The following NOTCH1 variants were observed in gnomAD, a reference collection of about 807,000 sequenced individuals.
NOTCH1 encodes neurogenic locus notch homolog protein 1.
A neutral mutation model predicts 254.8 loss-of-function variants in NOTCH1; 37 were observed. The ratio of observed to expected loss-of-function variants is 0.15; its 90% confidence interval spans 0.11 to 0.19. The LOEUF (loss-of-function observed/expected upper bound fraction) is 0.19. Ranked by LOEUF, NOTCH1 falls within the 10% of genes least tolerant of loss-of-function variation. NOTCH1 has a pLI of 1.00. For missense variants in NOTCH1, 2,972 were observed against 3,708.6 expected (o/e 0.80, Z 5.16); for synonymous variants, 1,731 against 1,618.1 (o/e 1.07, Z -1.68).
intron 5 of NOTCH1, 146 bp from the exon 6 acceptor site, chr9:136,518,970 C>T: frequency 1.4e-6 from 1 of 707,906 alleles, no homozygotes; most frequent in Admixed American, 2.0e-5. Context: ...ATCACTCCTT[C>T]CTCTGCAGGC....
At chr9:136,542,347 C>T (rs1038137082) in intron 2 of NOTCH1, among the ~76,000 whole-genome samples, 2 of 152,064 alleles carry the variant, frequency 1.3e-5, no homozygotes, top group African/African-American at 4.8e-5. Flanking sequence ...GAGCCGGGAG[C>T]GCAGTGGCGG....
chr9:136,523,487 G>T (rs1843408226), intron 3 of NOTCH1, among the ~76,000 whole-genome samples: 1 of 152,208 alleles, frequency 6.6e-6, no homozygotes, highest in East Asian at 1.9e-4. Context: ...TGGACACAGA[G>T]GCTCCCCTTG....
intron 26 of NOTCH1, 26 bp downstream of exon 26, chr9:136,504,647 G>T (rs1843048198): frequency 2.0e-6 from 3 of 1,488,138 alleles, no homozygotes; most frequent in South Asian, 2.7e-5. Flanking sequence ...TGCGGGGATT[G>T]ACCGTGGGCG....
In NOTCH1 at chr9:136,506,654, A is replaced by C; in HGVS notation, c.3902-15T>G. 1 of 1,601,320 alleles carries C rather than the reference A, an allele frequency of 6.2e-7. No homozygotes were observed. Among genetic ancestry groups the C allele is most frequent in the Non-Finnish European group, 8.5e-7 (1 of 1,174,762 alleles). ...GCAGCGGCGCCCTAGGGGTAAGAGC[A>C]GGGCAGTGAGAGGCTCACCCTGCTG... On this transcript the variant is annotated splice_polypyrimidine_tract_variant and intron_variant, in intron 23 of 33. Transcript: ENST00000651671. The surrounding 1 kb of genome is among the most constrained non-coding windows in gnomAD (Gnocchi z 4.5).
In NOTCH1 at chr9:136,506,406, G is replaced by A; in HGVS notation, c.4014+121C>T. On this transcript the variant is annotated intron_variant, in intron 24 of 33. Coordinates refer to ENST00000651671, the MANE Select transcript of NOTCH1 (RefSeq NM_017617.5). The surrounding 1 kb of genome is among the most constrained non-coding windows in gnomAD (Gnocchi z 4.5). ...ACTAAAAAAAAAAAAAAGACATCAG[G>A]GTGAGGAGGAGGATGAAGGCCGGGA... is the stretch of plus-strand genomic sequence containing the variant. 1.4e-6 allele frequency: 1 copy of A among 728,714 alleles called. No individual in the cohort carries two copies. The allele number at this position is 728,714 out of a possible 1,614,324, so 45.1% of individuals were successfully genotyped here.
chr9:136,518,799 G>T lies in NOTCH1; in HGVS notation c.891C>A (p.Asp297Glu), dbSNP rs370261688. 4 of 1,612,688 alleles carry T rather than the reference G, an allele frequency of 2.5e-6. No individual in the cohort carries two copies. The Admixed American group carries it at 6.7e-5, about 27-fold the overall frequency. The change falls in exon 6 of 34, where the codon GAC becomes GAA. Residue 297 changes from aspartate to glutamate, a missense_variant. Physicochemically the swap from Asp to Glu is conservative, Grantham distance 45. Coordinates refer to ENST00000651671, the MANE Select transcript of NOTCH1 (RefSeq NM_017617.5). ...AGGCATTTGGCATCAGCTGGCACTC[G>T]TCCACATCCTCGGTACAGTACTGAC... ...WTGQYCTEDVDECQLMPNACQ... is the reference protein window; with the variant it reads ...WTGQYCTEDVEECQLMPNACQ...
In NOTCH1 at chr9:136,518,354, G is replaced by A. The variant is rs114525255; in HGVS notation, c.1100-62C>T. ...GGGCCAGGCATGGCACACCACCCACGGCTGGGGTCCAACCCCACTGACACC... is the reference window on the plus strand; with the variant it reads ...GGGCCAGGCATGGCACACCACCCACAGCTGGGGTCCAACCCCACTGACACC... On this transcript the variant is annotated intron_variant, in intron 6 of 33. Coordinates refer to ENST00000651671, the MANE Select transcript of NOTCH1 (RefSeq NM_017617.5). 3,714 of 1,555,784 alleles carry A rather than the reference G, an allele frequency of 2.4e-3. 88 individuals are homozygous for A. The African/African-American group carries it at 0.041, about 17-fold the overall frequency.
chr9:136,515,282 C>G lies in NOTCH1; in HGVS notation c.2014+8G>C, dbSNP rs372627206. ...GTGCAGTCAGCCCCCACGTGCAGGG[C>G]CGCTCACCTGTGTAGCCCGGCTCAC... On this transcript the variant is annotated splice_region_variant and intron_variant, in intron 12 of 33. Coordinates refer to ENST00000651671, the MANE Select transcript of NOTCH1 (RefSeq NM_017617.5). 1 of 1,611,906 alleles carries G rather than the reference C, an allele frequency of 6.2e-7. No homozygotes were observed. Among genetic ancestry groups the G allele is most frequent in the Non-Finnish European group, 8.5e-7 (1 of 1,179,252 alleles).
At chr9:136,534,302 A>G (rs1362018085) in intron 2 of NOTCH1, among the ~76,000 whole-genome samples, 1 of 152,208 alleles carries the variant, frequency 6.6e-6, no homozygotes, top group Non-Finnish European at 1.5e-5. Context: ...TCAAGGGGGC[A>G]TTTACCCAGC....
intron 2 of NOTCH1, among the ~76,000 whole-genome samples, chr9:136,529,382 G>A (rs1843523047): frequency 6.6e-6 from 1 of 152,190 alleles, no homozygotes; most frequent in Non-Finnish European, 1.5e-5. Flanking sequence ...CCCTCCCTTG[G>A]GTAGAGGCTA....
At position 136,527,572 on chromosome 9, in the gene NOTCH1, A is replaced by G. The variant is rs141293205; in HGVS notation, c.141-3593T>C. ...GAGACCCCTCTGGGGCTAAAAAGTG[A>G]GGCTTGAGATAGGGAACGCCAGTCT... is the stretch of plus-strand genomic sequence containing the variant. On this transcript the variant is annotated intron_variant, in intron 2 of 33. Coordinates refer to ENST00000651671, the MANE Select transcript of NOTCH1 (RefSeq NM_017617.5). 2.7e-3 allele frequency among the ~76,000 whole-genome samples: 414 copies of G among 152,290 alleles called. 3 individuals carry two copies. Among genetic ancestry groups the G allele is most frequent in the African/African-American group, 9.4e-3 (390 of 41,556 alleles).
chr9:136,504,601 G>A (rs909993417), intron 26 of NOTCH1, 72 bp downstream of exon 26: 1 of 1,409,190 alleles, frequency 7.1e-7, no homozygotes, highest in Non-Finnish European at 9.4e-7. Flanking sequence ...CCGGCCGTGA[G>A]GGGCAGGGAG....
rs781658171 is a variant in NOTCH1, at chr9:136,506,876, C to T, written c.3741G>A (p.Gln1247=). The T allele has an allele frequency of 6.2e-7, 1 of 1,611,596 alleles. No homozygotes were observed. The highest frequency in any genetic ancestry group is 8.5e-7 in the Non-Finnish European group (1 of 1,179,412). Residue 1247 remains glutamine (Q), a synonymous_variant, in exon 23 of 34, where the codon CAG becomes CAA. Coordinates refer to ENST00000651671, the MANE Select transcript of NOTCH1 (RefSeq NM_017617.5). This position sits in a 1 kb window ranked among gnomAD's most constrained non-coding sequence, Gnocchi z 4.5. ...GGCAGGTGCAGCTGTAGCCGCCCAC[C>T]TGGTCCACGCAGGTGCCGTTGTTAA... ...KCFNNGTCVD[Q]VGGYSCTCPP...
intron 8 of NOTCH1, 135 bp downstream of exon 8, chr9:136,517,617 G>A (rs1843296817): frequency 8.7e-7 from 1 of 1,155,254 alleles, no homozygotes; most frequent in South Asian, 1.4e-5. Context: ...GTTTCCCCAT[G>A]CCCTGTGCAG....
chr9:136,531,267 C>T (rs1843554207), intron 2 of NOTCH1, among the ~76,000 whole-genome samples: 1 of 152,356 alleles, frequency 6.6e-6, no homozygotes, highest in Admixed American at 6.5e-5. Flanking sequence ...TGTAATGGGC[C>T]CATTTCACAG....
In NOTCH1 at chr9:136,503,225, C is replaced by A. The variant is rs35980907; in HGVS notation, c.5124G>T (p.Ser1708=). The A allele has an allele frequency of 6.7e-3, 10,847 of 1,612,792 alleles. 46 individuals are homozygous for A. The highest frequency in any genetic ancestry group is 8.4e-3 in the Non-Finnish European group (9,862 of 1,179,966). The change falls in exon 27 of 34, where the codon TCG becomes TCT. Residue 1708 remains serine (S), a synonymous_variant. Coordinates refer to ENST00000651671, the MANE Select transcript of NOTCH1 (RefSeq NM_017617.5). ...DVAAFLGALA[S]LGSLNIPYKI... ...TGTAGGGGATGTTGAGGCTGCCCAG[C>A]GAGGCGAGCGCTCCCAGGAATGCGG...
Position 136,497,464 on chromosome 9 carries a change from T to G in NOTCH1, c.6275A>C (p.His2092Pro), listed in dbSNP as rs1554826539. Reference protein sequence around the residue: ...DHFANRDITDHMDRLPRDIAQ... With the variant: ...DHFANRDITDPMDRLPRDIAQ... ...GATGTCGCGCGGCAGGCGGTCCATA[T>G]GATCCGTGATGTCCCGGTTGGCAAA... The change falls in exon 34 of 34, where the codon CAT becomes CCT. Residue 2092 changes from histidine to proline, a missense_variant. His to Pro is a moderately conservative substitution (Grantham distance 77). Coordinates refer to ENST00000651671, the MANE Select transcript of NOTCH1 (RefSeq NM_017617.5). 1 of 1,612,452 alleles carries G rather than the reference T, an allele frequency of 6.2e-7. No individual in the cohort carries two copies. Among genetic ancestry groups the G allele is most frequent in the Non-Finnish European group, 8.5e-7 (1 of 1,179,934 alleles).
At position 136,544,114 on chromosome 9, in the gene NOTCH1, CAGG is replaced by C. The variant is rs1195067627; in HGVS notation, c.62-15_62-13del. On this transcript the variant is annotated splice_polypyrimidine_tract_variant and intron_variant, in intron 1 of 33. Coordinates refer to ENST00000651671, the MANE Select transcript of NOTCH1 (RefSeq NM_017617.5). ...GGAGCATCGCGGGCCTAGGCAGGGGCAGGAGAAGAGAGGTCAGTCTCACCCGCA... is the reference window on the plus strand; with the variant it reads ...GGAGCATCGCGGGCCTAGGCAGGGGCAGAAGAGAGGTCAGTCTCACCCGCA... 4.5e-6 allele frequency: 7 copies of C among 1,563,988 alleles called. No homozygotes were observed. In the African/African-American group the frequency reaches 5.4e-5, roughly 12 times the overall value.
chr9:136,505,414 C>T lies in NOTCH1; in HGVS notation c.4482G>A (p.Leu1494=). Residue 1494 remains leucine, a synonymous_variant, in exon 25 of 34, where the codon CTG becomes CTA. Coordinates refer to ENST00000651671, the MANE Select transcript of NOTCH1 (RefSeq NM_017617.5). The part of the protein sequence containing the change: ...NDPWKNCTQS[L]QCWKYFSDGH... ...CGTCACTGAAGTACTTCCAGCACTG[C>T]AGAGACTGCGTGCAGTTCTTCCAGG... The T allele has an allele frequency of 6.2e-7, 1 of 1,612,800 alleles. No individual in the cohort carries two copies. The highest frequency in any genetic ancestry group is 8.5e-7 in the Non-Finnish European group (1 of 1,179,986).
Sources: gnomAD v4.1 joint callset for allele counts (sites outside exome capture counted in the v4.1 genomes callset) on GRCh38, gnomAD v4.1.1 for gene constraint, Gnocchi (gnomAD v3.1) non-coding constraint, MANE v1.5 for transcripts, NCBI Gene and HGNC (gene_info 2026-07-23, HGNC 2026-07-21) for gene names.